Variants in COBL observed in about 807,000 individuals in gnomAD.
The protein encoded by COBL is protein cordon-bleu.
A neutral mutation model predicts 98.8 loss-of-function variants in COBL; 51 were observed. That is an observed-to-expected ratio of 0.52 (90% CI 0.41 to 0.65). COBL has a LOEUF of 0.65. Among genes scored for constraint, COBL ranks in the 30% least tolerant of loss-of-function variants. The pLI is 0.00. For synonymous variants in COBL, 634 were observed against 651.7 expected (o/e 0.97, Z 0.41); for missense variants, 1,617 against 1,617.5 (o/e 1.00, Z 0.01).
At chr7:51,061,253 T>C (rs1167694089) in intron 7 of COBL, among the ~76,000 whole-genome samples, 1 of 152,192 alleles carries the variant, frequency 6.6e-6, no homozygotes, top group Non-Finnish European at 1.5e-5. Flanking sequence ...TGTGTATATA[T>C]GTATATATAC....
At position 51,259,815 on chromosome 7, in the gene COBL, T is replaced by C. The variant is rs1010915253; in HGVS notation, c.42-39871A>G. 22 of 752,884 alleles carry C rather than the reference T, an allele frequency of 2.9e-5. No individual in the cohort carries two copies. In the Admixed American group the frequency reaches 3.6e-4, roughly 12 times the overall value. 46.6% of individuals were successfully genotyped at this position (752,884 alleles called of 1,614,324 possible). On this transcript the variant is annotated intron_variant, in intron 1 of 12. Transcript: ENST00000265136. ...TTCTGGGGGGTGACTTTTACAAAGA[T>C]ACCACTAAAAATTTTCTTTAGGCGA...
intron 1 of COBL, among the ~76,000 whole-genome samples, chr7:51,244,486 G>A (rs1203172683): frequency 7.8e-6 from 1 of 128,166 alleles, no homozygotes; most frequent in African/African-American, 2.8e-5. Flanking sequence ...CTATATTCTG[G>A]CCACAGATAG....
chr7:51,288,845 T>C (rs1438743912), intron 1 of COBL, among the ~76,000 whole-genome samples: 1 of 117,952 alleles, frequency 8.5e-6, no homozygotes, highest in Non-Finnish European at 1.7e-5. Context: ...TGGATATCTA[T>C]GGAAATACTC....
At chr7:51,116,215 T>C (rs1305098801) in intron 6 of COBL, among the ~76,000 whole-genome samples, 1 of 152,156 alleles carries the variant, frequency 6.6e-6, no homozygotes, top group Non-Finnish European at 1.5e-5. Flanking sequence ...TGAATTTAGA[T>C]AAACCAGTTT....
At chr7:51,131,926 A>C (rs939814613) in intron 6 of COBL, among the ~76,000 whole-genome samples, 5 of 152,132 alleles carry the variant, frequency 3.3e-5, no homozygotes, top group Non-Finnish European at 5.9e-5. Flanking sequence ...TCAGGACTGA[A>C]AGGGATGAGC....
At chr7:51,045,105 G>C (rs1317142241) in intron 7 of COBL, among the ~76,000 whole-genome samples, 3 of 152,200 alleles carry the variant, frequency 2.0e-5, no homozygotes, top group African/African-American at 7.2e-5. Context: ...CAAATATTGA[G>C]AAGAAACGTC....
chr7:51,039,254 G>A (rs1788938352), intron 8 of COBL, among the ~76,000 whole-genome samples: 1 of 152,256 alleles, frequency 6.6e-6, no homozygotes, highest in Non-Finnish European at 1.5e-5. Flanking sequence ...CATGGATGCT[G>A]CTGTTTAGTG....
chr7:51,018,891 CAAA>C (rs11433270), intron 12 of COBL, among the ~76,000 whole-genome samples: 20 of 6,830 alleles, frequency 2.9e-3, no homozygotes, highest in South Asian at 7.2e-3. Context: ...AACTCCATCT[CAAA>C]AAAAAAAAAA....
chr7:51,086,083 C>T (rs1794209663), intron 6 of COBL, among the ~76,000 whole-genome samples: 1 of 152,148 alleles, frequency 6.6e-6, no homozygotes, highest in Non-Finnish European at 1.5e-5. Context: ...TTCTGAAGGA[C>T]TACATAATCC....
chr7:51,164,817 CAT>C (rs1476971807), intron 5 of COBL, among the ~76,000 whole-genome samples: 1 of 151,906 alleles, frequency 6.6e-6, no homozygotes, highest in Admixed American at 6.6e-5. Context: ...CTTTTAAAGA[CAT>C]AGACAGTACA....
rs569782659 is a variant in COBL at position 51,043,820 on chromosome 7, G to T, written c.1097-128C>A. On this transcript the variant is annotated intron_variant, in intron 7 of 12. Coordinates refer to ENST00000265136, the MANE Select transcript of COBL (RefSeq NM_015198.5). ...ATTCAGGGTGCTCAAAGTAAAGGAAGAACCTCATTCAAATACTGCTGAATA... is the reference window on the plus strand; with the variant it reads ...ATTCAGGGTGCTCAAAGTAAAGGAATAACCTCATTCAAATACTGCTGAATA... The T allele has an allele frequency of 1.7e-3, 1,209 of 709,868 alleles. 6 individuals are homozygous for T. Among genetic ancestry groups the T allele is most frequent in the South Asian group, 4.5e-3 (240 of 53,280 alleles). 44.0% of individuals were successfully genotyped at this position (709,868 alleles called of 1,614,324 possible).
intron 6 of COBL, among the ~76,000 whole-genome samples, chr7:51,098,197 T>C (rs1162792033): frequency 6.8e-6 from 1 of 146,624 alleles, no homozygotes; most frequent in East Asian, 2.0e-4. Context: ...TTCAAAGCAA[T>C]CACTACCAAA....
At position 51,078,342 on chromosome 7, in the gene COBL, A is replaced by G. The variant is rs372622856; in HGVS notation, c.1096+6824T>C. Among the ~76,000 whole-genome samples, 6 of 152,216 alleles carry G rather than the reference A, an allele frequency of 3.9e-5. No homozygotes were observed. The East Asian group carries it at 5.8e-4, about 15-fold the overall frequency. ...AAATTCTAGTGTCTGGATATGATACATGGAACAGCCACAGACCCATTGCTC... is the reference window on the plus strand; with the variant it reads ...AAATTCTAGTGTCTGGATATGATACGTGGAACAGCCACAGACCCATTGCTC... On this transcript the variant is annotated intron_variant, in intron 7 of 12. Transcript: ENST00000265136.
chr7:51,177,571 C>T (rs1288729339), intron 5 of COBL, among the ~76,000 whole-genome samples: 1 of 151,680 alleles, frequency 6.6e-6, no homozygotes, highest in Non-Finnish European at 1.5e-5. Context: ...GTCAGGAGTT[C>T]GAGACCAGCC....
At chr7:51,254,021 T>TA (rs1796976697) in intron 1 of COBL, among the ~76,000 whole-genome samples, 1 of 152,174 alleles carries the variant, frequency 6.6e-6, no homozygotes, top group African/African-American at 2.4e-5. Flanking sequence ...ATTCCTATTT[T>TA]TATGTTGGAT....
At chr7:51,215,823 G>T (rs568779766) in intron 2 of COBL, among the ~76,000 whole-genome samples, 4 of 152,212 alleles carry the variant, frequency 2.6e-5, no homozygotes, top group Non-Finnish European at 5.9e-5. Context: ...AGGGATGAGG[G>T]TCCCTCCCAG....
rs916477774 is a variant in COBL, at chr7:51,066,847, A to G, written c.1096+18319T>C. Among the ~76,000 whole-genome samples the G allele has an allele frequency of 2.0e-5, 3 of 152,272 alleles. No individual in the cohort carries two copies. The East Asian group carries it at 5.8e-4, about 29-fold the overall frequency. On this transcript the variant is annotated intron_variant, in intron 7 of 12. Coordinates refer to ENST00000265136, the MANE Select transcript of COBL (RefSeq NM_015198.5). The stretch of plus-strand genomic sequence containing the variant: ...AATAAATAGCCAGATGGAGGCAGAC[A>G]TAAGTGCAAGGGCAGAGACGAAAGA...
chr7:51,084,553 C>T lies in COBL; in HGVS notation c.1096+613G>A, dbSNP rs1457357139. ...TGGACAGCGCCATCATTCAGCTTCTCTCCACCTCGCCTGTAGCACGAGGGG... is the reference window on the plus strand; with the variant it reads ...TGGACAGCGCCATCATTCAGCTTCTTTCCACCTCGCCTGTAGCACGAGGGG... On this transcript the variant is annotated intron_variant, in intron 7 of 12. Transcript: ENST00000265136. Among the ~76,000 whole-genome samples the T allele has an allele frequency of 2.0e-5, 3 of 152,154 alleles. No individual in the cohort carries two copies. In the East Asian group the frequency reaches 5.8e-4, roughly 29 times the overall value.
At position 51,016,643 on chromosome 7, in the gene COBL, A is replaced by C. The variant is rs1786312383; in HGVS notation, c.*908T>G. On this transcript the variant is annotated 3_prime_UTR_variant, in exon 13 of 13. Transcript: ENST00000265136. ...TTGTGATGCTCTCAGCGCAACTTTGATCTGAACTCTTGACAGGTGGGCATC... is the reference window on the plus strand; with the variant it reads ...TTGTGATGCTCTCAGCGCAACTTTGCTCTGAACTCTTGACAGGTGGGCATC... 6.8e-6 allele frequency: 2 copies of C among 292,772 alleles called. No individual in the cohort carries two copies. The highest frequency in any genetic ancestry group is 2.1e-5 in the African/African-American group (1 of 46,684). The allele number at this position is 292,772 out of a possible 1,614,324, so 18.1% of individuals were successfully genotyped here.
Sources: allele counts gnomAD v4.1 joint callset (sites outside exome capture counted in the v4.1 genomes callset), GRCh38; gene constraint gnomAD v4.1.1; transcripts MANE v1.5; gene names NCBI Gene and HGNC (gene_info 2026-07-23, HGNC 2026-07-21).